ARSG: variants seen among roughly 807,000 people sequenced by gnomAD.
ARSG encodes arylsulfatase G.
In ARSG, 37 loss-of-function variants were observed where a neutral mutation model predicts 50.5. The observed-to-expected ratio is 0.73, with a 90% CI of 0.56 to 0.96. ARSG has a LOEUF of 0.96. Among genes scored for constraint, ARSG ranks in the 50% least tolerant of loss-of-function variants. The pLI is 0.00. For synonymous variants in ARSG, 225 were observed against 254.6 expected, an observed-to-expected ratio of 0.88 and a Z score of 1.11; for missense variants, 629 against 675.3, an observed-to-expected ratio of 0.93 and a Z score of 0.76.
chr17:68,352,119 G>GAGA (rs1555779523), intron 5 of ARSG, among the ~76,000 whole-genome samples: 4 of 73,062 alleles, frequency 5.5e-5, no homozygotes, highest in Non-Finnish European at 1.2e-4. Flanking sequence ...GAGAGACAGA[G>GAGA]GAGAGAGAGA....
At chr17:68,261,435 A>G (rs1442708964) in intron 1 of ARSG, among the ~76,000 whole-genome samples, 32 of 152,220 alleles carry the variant, frequency 2.1e-4, no homozygotes, top group Admixed American at 1.9e-3. Context: ...GCTAGAGTGC[A>G]GTGGTGTGAT....
rs115296517 is a variant in ARSG, at chr17:68,399,062, C to T, written c.1213-2298C>T. The stretch of plus-strand genomic sequence containing the variant: ...CATGATCAGGTCCAGAAATTGTCAA[C>T]GAAGGAACGTTTCCCCTAACAGCTC... On this transcript the variant is annotated intron_variant, in intron 10 of 11. Coordinates refer to ENST00000621439, the MANE Select transcript of ARSG (RefSeq NM_001267727.2). This position sits in a 1 kb window ranked among gnomAD's most constrained non-coding sequence, Gnocchi z 4.6. Among the ~76,000 whole-genome samples the T allele has an allele frequency of 3.1e-3, 477 of 152,286 alleles. 4 individuals are homozygous for T. The highest frequency in any genetic ancestry group is 0.011 in the African/African-American group (449 of 41,544).
At chr17:68,426,250 G>GGGGGGC, downstream of ARSG, 1 of 828,058 alleles carries the variant, frequency 1.2e-6, no homozygotes, top group Non-Finnish European at 1.9e-6. Context: ...GGTGGGGAGC[G>GGGGGGC]GGGGCTCAAA....
At chr17:68,327,996 G>A (rs74510844) in intron 2 of ARSG, among the ~76,000 whole-genome samples, 1,905 of 152,270 alleles carry the variant, frequency 0.013, 44 homozygotes, top group African/African-American at 0.043. Flanking sequence ...TACTGCCTCA[G>A]TGCCACTGCT....
At position 68,379,961 on chromosome 17, in the gene ARSG, CT is replaced by C. The variant is rs1221215344; in HGVS notation, c.983-5100del. ...GCCCTGTGAGATACGTACAACTGAC[CT>C]TTGAGCGACACGGATTTGAACTGCA... is the stretch of plus-strand genomic sequence containing the variant. On this transcript the variant is annotated intron_variant, in intron 8 of 11. Coordinates refer to ENST00000621439, the MANE Select transcript of ARSG (RefSeq NM_001267727.2). The C allele has an allele frequency of 5.3e-6, 4 of 754,740 alleles. No homozygotes were observed. In the African/African-American group the frequency reaches 7.6e-5, roughly 14 times the overall value. 46.8% of individuals were successfully genotyped at this position (754,740 alleles called of 1,614,324 possible).
At chr17:68,402,927 T>C (rs144168418) in intron 11 of ARSG, among the ~76,000 whole-genome samples, 71 of 152,352 alleles carry the variant, frequency 4.7e-4, no homozygotes, top group African/African-American at 1.5e-3. Context: ...ACGCTACAAT[T>C]TTTAAGTAAA....
upstream of ARSG, chr17:68,291,150 C>T (rs1269195926): frequency 2.0e-5 from 3 of 152,212 alleles, no homozygotes; most frequent in Non-Finnish European, 4.4e-5. Flanking sequence ...TGGCCTCCCC[C>T]TCCTTATAAG....
intron 1 of ARSG, among the ~76,000 whole-genome samples, chr17:68,262,537 C>T (rs1234998717): frequency 6.6e-6 from 1 of 151,704 alleles, no homozygotes; most frequent in African/African-American, 2.4e-5. Context: ...TAATAGTATC[C>T]ATCAGGCAGT....
chr17:68,343,660 T>C lies in ARSG; in HGVS notation c.275T>C (p.Leu92Pro), dbSNP rs200685916. ...TGCTCACCCTCCCGGGCTTCCTTGC[T>C]CACCGGCCGGCTTGGCCTTCGCAAT... The part of the protein sequence containing the change: ...STCSPSRASL[L>P]TGRLGLRNGV... The change falls in exon 3 of 12, where the codon CTC (leucine) becomes CCC (proline). Residue 92 changes from leucine to proline, a missense_variant. Physicochemically the swap from Leu to Pro is moderately conservative, Grantham distance 98. Coordinates refer to ENST00000621439, the MANE Select transcript of ARSG (RefSeq NM_001267727.2). 5 of 1,614,108 alleles carry C rather than the reference T, an allele frequency of 3.1e-6. No homozygotes were observed. Among genetic ancestry groups the C allele is most frequent in the Non-Finnish European group, 4.2e-6 (5 of 1,179,966 alleles).
chr17:68,334,627 G>A (rs984099047), intron 2 of ARSG, among the ~76,000 whole-genome samples: 3 of 152,034 alleles, frequency 2.0e-5, no homozygotes, highest in Non-Finnish European at 4.4e-5. Context: ...GACTAAGGTC[G>A]CCTCGTGGAG....
chr17:68,422,030 T>A (rs1014072876), downstream of ARSG: 1 of 597,394 alleles, frequency 1.7e-6, no homozygotes, highest in African/African-American at 1.9e-5. Context: ...AAATACTGAC[T>A]ATAAAAATGT....
chr17:68,292,981 C>T (rs1211123006), intron 1 of ARSG, among the ~76,000 whole-genome samples: 1 of 152,132 alleles, frequency 6.6e-6, no homozygotes, highest in African/African-American at 2.4e-5. Context: ...TTGTAAAGTG[C>T]GGATCGCAGT....
chr17:68,372,874 CTGATTTTTTTTTTT>C (rs2079921626), intron 8 of ARSG, among the ~76,000 whole-genome samples: 2 of 127,676 alleles, frequency 1.6e-5, no homozygotes, highest in South Asian at 5.3e-4. Flanking sequence ...GAAGGAAATG[CTGATTTTTTTTTTT>C]TTTTTTTTTT....
In ARSG at chr17:68,271,596, T is replaced by C. The variant is rs372842877; in HGVS notation, c.-552+12170T>C. The stretch of plus-strand genomic sequence containing the variant: ...CGAAGATGACAATGTTTAACTGTAG[T>C]AGGCCCACGAAGAGGAGGCTGTATC... On this transcript the variant is annotated intron_variant, in intron 1 of 11. Coordinates refer to the ARSG transcript ENST00000448504. This position sits in a 1 kb window ranked among gnomAD's most constrained non-coding sequence, Gnocchi z 5.3. 8.7e-6 allele frequency: 14 copies of C among 1,614,134 alleles called. No individual in the cohort carries two copies. The highest frequency in any genetic ancestry group is 1.7e-4 in the Middle Eastern group (1 of 6,060).
chr17:68,426,086 C>CA (rs777038864), downstream of ARSG: 1 of 1,612,758 alleles, frequency 6.2e-7, no homozygotes, highest in Non-Finnish European at 8.5e-7. Context: ...GGAGGAAACT[C>CA]ATTCTCATCA....
chr17:68,337,077 G>T (rs755978783), intron 2 of ARSG, among the ~76,000 whole-genome samples: 2 of 152,042 alleles, frequency 1.3e-5, no homozygotes, highest in Non-Finnish European at 2.9e-5. Flanking sequence ...GAGAATGAGC[G>T]GGAGTGAAGC....
chr17:68,420,101 T>G (rs1339664139), intron 11 of ARSG, 88 bp from the exon 12 acceptor site: 8 of 1,449,880 alleles, frequency 5.5e-6, no homozygotes, highest in Non-Finnish European at 5.6e-6. Flanking sequence ...TATGTTTGAA[T>G]TAATGTAGAA....
chr17:68,302,080 T>C (rs1348104124), intron 1 of ARSG, among the ~76,000 whole-genome samples: 1 of 152,182 alleles, frequency 6.6e-6, no homozygotes. Flanking sequence ...TACGGCTGTA[T>C]GCACTATGCC....
chr17:68,297,987 T>TC (rs1555759023), intron 1 of ARSG, among the ~76,000 whole-genome samples: 61 of 150,604 alleles, frequency 4.1e-4, no homozygotes, highest in South Asian at 1.3e-3. Flanking sequence ...TTTTTTTTTT[T>TC]CCCCTGATAT....
Sources: gnomAD v4.1 joint callset for allele counts (sites outside exome capture counted in the v4.1 genomes callset) on GRCh38, gnomAD v4.1.1 for gene constraint, Gnocchi (gnomAD v3.1) non-coding constraint, MANE v1.5 for transcripts, NCBI Gene and HGNC (gene_info 2026-07-23, HGNC 2026-07-21) for gene names.